Variants in RNF138 observed in about 807,000 individuals in gnomAD.
RNF138 encodes ring finger protein 138.
In RNF138, 12 loss-of-function variants were observed where a neutral mutation model predicts 31.0. The observed-to-expected ratio is 0.39, with a 90% CI of 0.25 to 0.63. The LOEUF (loss-of-function observed/expected upper bound fraction) is 0.63. Ranked by LOEUF, RNF138 falls within the 20% of genes least tolerant of loss-of-function variation. The pLI is 0.52. For missense variants in RNF138, 192 were observed against 300.1 expected, an observed-to-expected ratio of 0.64 and a Z score of 2.66; for synonymous variants, 105 against 99.5, an observed-to-expected ratio of 1.06 and a Z score of -0.33.
rs377672524 is a variant in RNF138 at position 32,111,787 on chromosome 18, G to A, written c.144G>A (p.Arg48=). The A allele has an allele frequency of 1.1e-5, 18 of 1,612,812 alleles. 1 individual carries two copies. Among genetic ancestry groups the A allele is most frequent in the Non-Finnish European group, 1.5e-5 (18 of 1,179,726 alleles). ...FCRKCFLTAM[R]ESGAHCPLCR... is the part of the protein sequence containing the mutation. ...GAAAATGTTTCCTGACTGCAATGAGGGAAAGCGGAGCACATTGTCCCCTAT... is the reference window on the plus strand; with the variant it reads ...GAAAATGTTTCCTGACTGCAATGAGAGAAAGCGGAGCACATTGTCCCCTAT... The change falls in exon 3 of 8, where the codon AGG becomes AGA. Residue 48 remains arginine (R), a synonymous_variant. Transcript: ENST00000261593.
intron 2 of RNF138, among the ~76,000 whole-genome samples, chr18:32,106,237 AT>A (rs1250656094): frequency 1.3e-5 from 2 of 152,218 alleles, no homozygotes; most frequent in African/African-American, 2.4e-5. Flanking sequence ...CGAGTGGTCT[AT>A]TCCAACCATT....
rs1254717414 is a variant in RNF138 at position 32,092,805 on chromosome 18, C to T, written c.29C>T (p.Ser10Phe). The part of the protein sequence containing the change: MAEDLSAAT[S>F]YTEDDFYCPV... ...GCCGAGGACCTCTCTGCGGCCACGT[C>T]CTACACCGAAGATGATTTCTACTGC... The change falls in exon 2 of 8, where the codon TCC becomes TTC. Residue 10 changes from serine to phenylalanine, a missense_variant. Coordinates refer to ENST00000261593, the MANE Select transcript of RNF138 (RefSeq NM_016271.5). The T allele has an allele frequency of 1.9e-6, 3 of 1,596,256 alleles. No homozygotes were observed. Among genetic ancestry groups the T allele is most frequent in the Non-Finnish European group, 2.6e-6 (3 of 1,174,212 alleles).
chr18:32,093,694 A>C (rs2039752308), intron 2 of RNF138, among the ~76,000 whole-genome samples: 1 of 152,170 alleles, frequency 6.6e-6, no homozygotes, highest in Non-Finnish European at 1.5e-5. Context: ...GAGAACACAA[A>C]GGGGTTGGGT....
At chr18:32,093,920 C>T (rs1450856566) in intron 2 of RNF138, among the ~76,000 whole-genome samples, 7 of 152,074 alleles carry the variant, frequency 4.6e-5, no homozygotes, top group Admixed American at 3.9e-4. Flanking sequence ...AAAGAATGTT[C>T]GGGCAGGTGG....
intron 2 of RNF138, among the ~76,000 whole-genome samples, chr18:32,098,813 A>G (rs2039863060): frequency 6.6e-6 from 1 of 150,902 alleles, no homozygotes; most frequent in South Asian, 2.1e-4. Context: ...AGATGGTGCC[A>G]CTGCACTCCA....
chr18:32,096,397 G>T (rs1349800078), intron 2 of RNF138, among the ~76,000 whole-genome samples: 1 of 152,178 alleles, frequency 6.6e-6, no homozygotes, highest in African/African-American at 2.4e-5. Context: ...TAAGGACAGT[G>T]TAAGATTTGA....
At chr18:32,107,903 C>G (rs1418470698) in intron 2 of RNF138, among the ~76,000 whole-genome samples, 1 of 151,616 alleles carries the variant, frequency 6.6e-6, no homozygotes, top group East Asian at 2.0e-4. Flanking sequence ...CGCTCTGTCG[C>G]CCAGATTGGG....
intron 2 of RNF138, among the ~76,000 whole-genome samples, chr18:32,111,312 A>G (rs976942694): frequency 1.3e-5 from 2 of 152,246 alleles, no homozygotes; most frequent in Non-Finnish European, 2.9e-5. Flanking sequence ...GTCGATATAC[A>G]TCAGTTTGAG....
chr18:32,098,685 T>C (rs2039859420), intron 2 of RNF138, among the ~76,000 whole-genome samples: 2 of 151,356 alleles, frequency 1.3e-5, no homozygotes, highest in African/African-American at 4.8e-5. Context: ...ACCCTGTCTC[T>C]ACTAAAAATA....
At chr18:32,118,515 C>A (rs562862958) in intron 4 of RNF138, among the ~76,000 whole-genome samples, 2 of 145,862 alleles carry the variant, frequency 1.4e-5, no homozygotes, top group South Asian at 4.4e-4. Context: ...GCCTGGGAGA[C>A]AGAGCAAGAC....
At chr18:32,123,776 C>T (rs12604223) in intron 5 of RNF138, among the ~76,000 whole-genome samples, 54,235 of 151,122 alleles carry the variant, frequency 0.36, 11,674 homozygotes, top group Admixed American at 0.52. Flanking sequence ...CCTCAGCCTC[C>T]CAAGTATCTG....
At chr18:32,122,945 G>T (rs996235752) in intron 4 of RNF138, among the ~76,000 whole-genome samples, 4 of 152,234 alleles carry the variant, frequency 2.6e-5, no homozygotes, top group Non-Finnish European at 5.9e-5. Context: ...GATATTCCAT[G>T]TGACACATGA....
intron 2 of RNF138, among the ~76,000 whole-genome samples, chr18:32,107,693 T>G (rs2144588433): frequency 6.6e-6 from 1 of 150,844 alleles, no homozygotes; most frequent in East Asian, 2.0e-4. Flanking sequence ...GCTAATTTTT[T>G]GTATTAGTCA....
chr18:32,111,972 A>G (rs2040139593), intron 3 of RNF138, 53 bp downstream of exon 3: 3 of 1,411,304 alleles, frequency 2.1e-6, no homozygotes, highest in Non-Finnish European at 2.9e-6. Flanking sequence ...CTACTCTGAA[A>G]TTCTTATTTG....
At chr18:32,110,991 A>G (rs1360013764) in intron 2 of RNF138, among the ~76,000 whole-genome samples, 1 of 152,198 alleles carries the variant, frequency 6.6e-6, no homozygotes, top group Non-Finnish European at 1.5e-5. Flanking sequence ...CGTGGTAGCC[A>G]GAATGGTCTT....
Position 32,129,419 on chromosome 18 carries a change from T to G in RNF138, c.*232T>G. The G allele has an allele frequency of 4.9e-6, 2 of 410,664 alleles. No homozygotes were observed. Among genetic ancestry groups the G allele is most frequent in the Non-Finnish European group, 8.8e-6 (2 of 227,898 alleles). 25.4% of individuals were successfully genotyped at this position (410,664 alleles called of 1,614,324 possible). A position where few individuals can be genotyped will look rare whatever the true frequency, so the allele number is the denominator to read the frequency against. On this transcript the variant is annotated 3_prime_UTR_variant, in exon 8 of 8. Coordinates refer to ENST00000261593, the MANE Select transcript of RNF138 (RefSeq NM_016271.5). Reference sequence around the variant, plus strand: ...AGGTGTAAAAAAGATGTTTCACTAATGTAACGGTGAAAGAGAATCCCTGTT... The same window carrying G: ...AGGTGTAAAAAAGATGTTTCACTAAGGTAACGGTGAAAGAGAATCCCTGTT...
chr18:32,121,468 C>T (rs574247869), intron 4 of RNF138, among the ~76,000 whole-genome samples: 6 of 152,072 alleles, frequency 3.9e-5, no homozygotes, highest in South Asian at 2.1e-4. Flanking sequence ...GCATTCCAGC[C>T]GGGGCAATAA....
At chr18:32,101,699 G>A (rs2039943522) in intron 2 of RNF138, among the ~76,000 whole-genome samples, 1 of 151,996 alleles carries the variant, frequency 6.6e-6, no homozygotes, top group Non-Finnish European at 1.5e-5. Context: ...CCCAAAAATT[G>A]AGCTAATTTA....
At chr18:32,101,801 G>C (rs1336859665) in intron 2 of RNF138, among the ~76,000 whole-genome samples, 1 of 152,064 alleles carries the variant, frequency 6.6e-6, no homozygotes, top group Admixed American at 6.6e-5. Flanking sequence ...TTTTAATACA[G>C]TTCATAGTGG....
Sources: allele counts gnomAD v4.1 joint callset (sites outside exome capture counted in the v4.1 genomes callset), GRCh38; gene constraint gnomAD v4.1.1; transcripts MANE v1.5; gene names NCBI Gene and HGNC (gene_info 2026-07-23, HGNC 2026-07-21).